Variants in KCNC4 observed in about 807,000 individuals in gnomAD.
KCNC4 encodes the protein potassium voltage-gated channel subfamily C member 4, also known as voltage-gated potassium channel KCNC4.
KCNC4 carries 23 observed loss-of-function variants against 42.8 expected under a neutral mutation model. That is an observed-to-expected ratio of 0.54 (90% confidence interval 0.39 to 0.76). KCNC4 has a LOEUF of 0.76. Ranked by LOEUF, KCNC4 falls within the 30% of genes least tolerant of loss-of-function variation. KCNC4 has a pLI of 0.00. For synonymous variants in KCNC4, 422 were observed against 393.5 expected (o/e 1.07, Z -0.86); for missense variants, 751 against 898.2 (o/e 0.84, Z 2.10).
intron 3 of KCNC4, chr1:110,228,670 G>T (rs879743136): frequency 1.1e-5 from 1 of 87,532 alleles, no homozygotes; most frequent in Non-Finnish European, 2.3e-5. Context: ...CCCCCTCACC[G>T]GCCCACCCCC....
chr1:110,226,082 C>G lies in KCNC4; in HGVS notation c.1723C>G (p.Arg575Gly), dbSNP rs750916005. Reference sequence around the variant, plus strand: ...GACCCCCGAGGAGCGCCGGGCCCTGCGACGCTCCACCACTCGAGACAGAAA... The same window carrying G: ...GACCCCCGAGGAGCGCCGGGCCCTGGGACGCTCCACCACTCGAGACAGAAA... ...SPTPEERRAL[R>G]RSTTRDRNKK... Residue 575 changes from arginine to glycine, a missense_variant, in exon 3 of 4, where the codon CGA becomes GGA. This residue lies in a region of KCNC4 where 202 missense variants were observed against 181.5 expected (regional missense o/e 1.11). Transcript: ENST00000438661. The G allele has an allele frequency of 1.2e-6, 2 of 1,614,124 alleles. No homozygotes were observed. The highest frequency in any genetic ancestry group is 1.7e-6 in the Non-Finnish European group (2 of 1,180,014).
chr1:110,254,475 T>C (rs1659298352), intron 1 of KCNC4, among the ~76,000 whole-genome samples: 1 of 152,222 alleles, frequency 6.6e-6, no homozygotes, highest in African/African-American at 2.4e-5. Context: ...TTTCTCCATC[T>C]TGTGGCTTAT....
chr1:110,262,175 A>C (rs1236633931), intron 1 of KCNC4, among the ~76,000 whole-genome samples: 2 of 152,256 alleles, frequency 1.3e-5, no homozygotes, highest in East Asian at 1.9e-4. Flanking sequence ...TTATATAATA[A>C]ATGCTTATAA....
At chr1:110,246,150 C>T (rs1168157871) in exon 4 of KCNC4, 1 of 152,210 alleles carries the variant, frequency 6.6e-6, no homozygotes, top group Non-Finnish European at 1.5e-5. Flanking sequence ...TTAACCCGAC[C>T]TCAAGGCTGC....
At position 110,211,684 on chromosome 1, in the gene KCNC4, T is replaced by G; in HGVS notation, c.185T>G (p.Leu62Arg). The G allele has an allele frequency of 6.2e-7, 1 of 1,611,534 alleles. No homozygotes were observed. Among genetic ancestry groups the G allele is most frequent in the Non-Finnish European group, 8.5e-7 (1 of 1,178,958 alleles). Residue 62 changes from leucine to arginine, a missense_variant, in exon 1 of 4, where the codon CTC becomes CGC. Transcript: ENST00000438661. The surrounding 1 kb of genome is among the most constrained non-coding windows in gnomAD (Gnocchi z 6.5). ...CTGCGCACCCTACCGGGAACCCGCC[T>G]CGCCTGGCTGGCCGACCCCGACGGC... ...STLRTLPGTRLAWLADPDGGG... is the reference protein window; with the variant it reads ...STLRTLPGTRRAWLADPDGGG...
chr1:110,252,224 G>A (rs998586098), downstream of KCNC4, among the ~76,000 whole-genome samples: 1 of 152,186 alleles, frequency 6.6e-6, no homozygotes, highest in African/African-American at 2.4e-5. Flanking sequence ...AGGATGTCCA[G>A]GTTCTGTGAC....
In KCNC4 at chr1:110,223,242, T is replaced by C. The variant is rs770732871; in HGVS notation, c.957T>C (p.Phe319=). The change falls in exon 2 of 4, where the codon TTT becomes TTC. Residue 319 remains phenylalanine, a synonymous_variant. Coordinates refer to ENST00000438661, the MANE Select transcript of KCNC4 (RefSeq NM_001039574.3). The surrounding 1 kb of genome is among the most constrained non-coding windows in gnomAD (Gnocchi z 7.5). ...AGAACCTGCTCAACATCATCGACTT[T>C]GTGGCCATCCTGCCCTTCTACCTGG... ...FVKNLLNIID[F]VAILPFYLEV... is the part of the protein sequence containing the mutation. 4.3e-6 allele frequency: 7 copies of C among 1,614,248 alleles called. No individual in the cohort carries two copies. In the South Asian group the frequency reaches 6.6e-5, roughly 15 times the overall value.
rs554444279 is a variant in KCNC4 at position 110,232,932 on chromosome 1, C to A, written c.1841C>A (p.Ser614Ter). The A allele has an allele frequency of 3.1e-6, 5 of 1,612,016 alleles. No individual in the cohort carries two copies. Among genetic ancestry groups the A allele is most frequent in the East Asian group, 2.2e-5 (1 of 44,846 alleles). ...VRKETCQDAL[S>*]SNYAQAEVLT... ...ACAGAGACCTGCCAAGACGCCCTCT[C>A]GTCCAACTATGCCCAGGCTGAAGTC... Residue 614 changes from serine to a stop codon, truncating the protein, a stop_gained, in exon 4 of 4, where the codon TCG (serine) becomes TAG (stop). Coordinates refer to ENST00000438661, the MANE Select transcript of KCNC4 (RefSeq NM_001039574.3). LOFTEE classifies it high-confidence loss of function.
At chr1:110,231,346 G>A (rs1425489852) in intron 3 of KCNC4, among the ~76,000 whole-genome samples, 1 of 152,072 alleles carries the variant, frequency 6.6e-6, no homozygotes, top group Non-Finnish European at 1.5e-5. Context: ...GGGTCAAATA[G>A]GTAAGAATCC....
chr1:110,262,666 C>T (rs867620956), intron 1 of KCNC4, among the ~76,000 whole-genome samples: 1 of 152,224 alleles, frequency 6.6e-6, no homozygotes, highest in Non-Finnish European at 1.5e-5. Context: ...CTCACTGTCT[C>T]TATCAACCTT....
intron 1 of KCNC4, among the ~76,000 whole-genome samples, chr1:110,268,720 C>G (rs1191663980): frequency 2.0e-5 from 3 of 149,122 alleles, no homozygotes; most frequent in Admixed American, 6.8e-5. Flanking sequence ...GTGGCTGGCC[C>G]TGAGATTTTA....
At chr1:110,227,513 A>AG (rs1284480889) in intron 3 of KCNC4, among the ~76,000 whole-genome samples, 4 of 152,218 alleles carry the variant, frequency 2.6e-5, no homozygotes, top group East Asian at 1.9e-4. Flanking sequence ...CAGCAGATGG[A>AG]GGGTGCTCAG....
Position 110,272,082 on chromosome 1 carries a change from C to G in KCNC4, n.31-10452C>G, listed in dbSNP as rs1659646097. Among the ~76,000 whole-genome samples, 3 of 152,324 alleles carry G rather than the reference C, an allele frequency of 2.0e-5. 1 individual carries two copies. The South Asian group carries it at 6.2e-4, about 32-fold the overall frequency. On this transcript the variant is annotated intron_variant and non_coding_transcript_variant, in intron 1 of 2. Transcript: ENST00000412512. Reference sequence around the variant, plus strand: ...TTTGTTCTGGGGTACCTGGCCCACTCCATCTTCTTCTGTGATCTGTCTTGG... The same window carrying G: ...TTTGTTCTGGGGTACCTGGCCCACTGCATCTTCTTCTGTGATCTGTCTTGG...
At chr1:110,245,882 C>T (rs1659135421) in exon 4 of KCNC4, 1 of 152,218 alleles carries the variant, frequency 6.6e-6, no homozygotes, top group Admixed American at 6.5e-5. Flanking sequence ...CGAAGAGGTT[C>T]TTGGCTCTTT....
chr1:110,232,881 G>A, intron 3 of KCNC4, 30 bp from the exon 4 acceptor site: 3 of 1,602,142 alleles, frequency 1.9e-6, no homozygotes, highest in Non-Finnish European at 1.7e-6. Flanking sequence ...GTGCGTCCCA[G>A]TGTCTCACAC....
At chr1:110,226,583 G>C (rs897171) in intron 3 of KCNC4, among the ~76,000 whole-genome samples, 85,786 of 152,016 alleles carry the variant, frequency 0.56, 24,499 homozygotes, top group Non-Finnish European at 0.59. Context: ...CCAAGTAGGT[G>C]ACCCCTCGAG....
chr1:110,250,495 T>C (rs866483877), downstream of KCNC4, among the ~76,000 whole-genome samples: 16 of 152,162 alleles, frequency 1.1e-4, no homozygotes, highest in African/African-American at 3.9e-4. Flanking sequence ...ATTTTGTGAT[T>C]AGAAACTCCC....
chr1:110,227,964 A>G (rs1478237737), intron 3 of KCNC4, among the ~76,000 whole-genome samples: 4 of 152,110 alleles, frequency 2.6e-5, no homozygotes, highest in Admixed American at 6.5e-5. Context: ...ATGCCTCCAC[A>G]CTGCTTCTTG....
chr1:110,213,643 C>T (rs1178733751), intron 1 of KCNC4, among the ~76,000 whole-genome samples: 6 of 152,236 alleles, frequency 3.9e-5, no homozygotes, highest in African/African-American at 1.4e-4. Context: ...TCAGGACTGA[C>T]AACAAAGCTA....
Sources: allele counts gnomAD v4.1 joint callset (sites outside exome capture counted in the v4.1 genomes callset), GRCh38; gene constraint gnomAD v4.1.1; regional missense constraint gnomAD v4.1.1; non-coding constraint Gnocchi (gnomAD v3.1); transcripts MANE v1.5; gene names NCBI Gene and HGNC (gene_info 2026-07-23, HGNC 2026-07-21).